Variants in PRRX2 observed in about 807,000 individuals in gnomAD.
The protein encoded by PRRX2 is paired mesoderm homeobox protein 2.
A neutral mutation model predicts 18.0 loss-of-function variants in PRRX2; 11 were observed. That is an observed-to-expected ratio of 0.61 (90% CI 0.39 to 1.01). The LOEUF (loss-of-function observed/expected upper bound fraction) is 1.01, where lower values mean the gene tolerates loss of function less well. PRRX2 is among the 50% of genes least tolerant of loss of function. PRRX2 has a pLI of 0.01. For missense variants in PRRX2, 387 were observed against 351.0 expected (o/e 1.10, Z -0.82); for synonymous variants, 177 against 154.8 (o/e 1.14, Z -1.06).
intron 1 of PRRX2, among the ~76,000 whole-genome samples, chr9:129,674,346 G>C (rs1337247868): frequency 6.6e-6 from 1 of 152,102 alleles, no homozygotes; most frequent in Non-Finnish European, 1.5e-5. Context: ...ATATTATTCT[G>C]GTTTATCTCT....
At chr9:129,669,756 C>T (rs945661756) in intron 1 of PRRX2, among the ~76,000 whole-genome samples, 1 of 152,064 alleles carries the variant, frequency 6.6e-6, no homozygotes, top group Non-Finnish European at 1.5e-5. Context: ...GTGGGGGTCC[C>T]CAGGGCTCAG....
chr9:129,684,684 C>G (rs1332433980), intron 1 of PRRX2, among the ~76,000 whole-genome samples: 1 of 152,256 alleles, frequency 6.6e-6, no homozygotes, highest in South Asian at 2.1e-4. Context: ...TCAGTGGCAC[C>G]TCTGGGACGG....
At chr9:129,697,101 C>A (rs1470522553) in intron 1 of PRRX2, among the ~76,000 whole-genome samples, 2 of 152,210 alleles carry the variant, frequency 1.3e-5, no homozygotes, top group African/African-American at 4.8e-5. Context: ...CCGGCCTGGC[C>A]CTTAGCCTTG....
chr9:129,683,264 A>G (rs1832256576), intron 1 of PRRX2, among the ~76,000 whole-genome samples: 1 of 152,200 alleles, frequency 6.6e-6, no homozygotes, highest in African/African-American at 2.4e-5. Context: ...CAGACTAAGC[A>G]CATGACACAC....
chr9:129,698,819 C>T (rs183623860), intron 1 of PRRX2, among the ~76,000 whole-genome samples: 6 of 152,310 alleles, frequency 3.9e-5, no homozygotes, highest in Non-Finnish European at 5.9e-5. Flanking sequence ...GGTAGGATTC[C>T]CACCCTGCCT....
chr9:129,679,828 C>T (rs1186189990), intron 1 of PRRX2, among the ~76,000 whole-genome samples: 1 of 152,186 alleles, frequency 6.6e-6, no homozygotes, highest in African/African-American at 2.4e-5. Context: ...GTAGAGCCAG[C>T]TCCAGAGAGC....
At chr9:129,699,439 A>ATGTG (rs3138854) in intron 1 of PRRX2, among the ~76,000 whole-genome samples, 6,507 of 145,540 alleles carry the variant, frequency 0.045, 181 homozygotes, top group Non-Finnish European at 0.053. Context: ...AAATATATAT[A>ATGTG]TGTGTGTGTG....
In PRRX2 at chr9:129,719,211, C is replaced by T. The variant is rs748147016; in HGVS notation, c.260-20C>T. 21 of 1,535,790 alleles carry T rather than the reference C, an allele frequency of 1.4e-5. No individual in the cohort carries two copies. The African/African-American group carries it at 1.9e-4, about 14-fold the overall frequency. ...CCACTGGCCGTCCTGCTGACCATCCCGCCCCCCCAACCTCCGCAGGTGAGT... is the reference window on the plus strand; with the variant it reads ...CCACTGGCCGTCCTGCTGACCATCCTGCCCCCCCAACCTCCGCAGGTGAGT... On this transcript the variant is annotated intron_variant, in intron 1 of 3. Coordinates refer to ENST00000372469, the MANE Select transcript of PRRX2 (RefSeq NM_016307.4).
In PRRX2 at chr9:129,675,580, C is replaced by T. The variant is rs1180455206; in HGVS notation, c.259+9454C>T. ...GGGATCCACTGCCCCCAGGGGGCGGCTGCCTTGCCCCAGACTTTGTCCTCC... is the reference window on the plus strand; with the variant it reads ...GGGATCCACTGCCCCCAGGGGGCGGTTGCCTTGCCCCAGACTTTGTCCTCC... On this transcript the variant is annotated intron_variant, in intron 1 of 3. Transcript: ENST00000372469. The surrounding 1 kb of genome is among the most constrained non-coding windows in gnomAD (Gnocchi z 4.4). Among the ~76,000 whole-genome samples, 2 of 152,106 alleles carry T rather than the reference C, an allele frequency of 1.3e-5. No individual in the cohort carries two copies. Among genetic ancestry groups the T allele is most frequent in the Non-Finnish European group, 2.9e-5 (2 of 67,974 alleles).
chr9:129,678,454 A>G (rs1391112451), intron 1 of PRRX2, among the ~76,000 whole-genome samples: 4 of 152,154 alleles, frequency 2.6e-5, no homozygotes, highest in Non-Finnish European at 5.9e-5. Context: ...GACATGCTGG[A>G]TGCTATGACA....
At chr9:129,714,262 G>T (rs1305008059) in intron 1 of PRRX2, among the ~76,000 whole-genome samples, 1 of 151,588 alleles carries the variant, frequency 6.6e-6, no homozygotes, top group Non-Finnish European at 1.5e-5. Flanking sequence ...CCGAGATCGT[G>T]CCACTGTACT....
chr9:129,704,413 C>G (rs530915845), intron 1 of PRRX2, among the ~76,000 whole-genome samples: 1 of 152,082 alleles, frequency 6.6e-6, no homozygotes, highest in Non-Finnish European at 1.5e-5. Context: ...TGAGGACACA[C>G]GGGGGCAATT....
chr9:129,715,776 A>T lies in PRRX2; in HGVS notation c.260-3455A>T, dbSNP rs1269208549. Among the ~76,000 whole-genome samples the T allele has an allele frequency of 2.6e-5, 4 of 150,956 alleles. No homozygotes were observed. In the South Asian group the frequency reaches 6.3e-4, roughly 24 times the overall value. Reference sequence around the variant, plus strand: ...CACACACACACACACACACACACACACACACACACACACACACTCATTTAC... The same window carrying T: ...CACACACACACACACACACACACACTCACACACACACACACACTCATTTAC... On this transcript the variant is annotated intron_variant, in intron 1 of 3. Coordinates refer to ENST00000372469, the MANE Select transcript of PRRX2 (RefSeq NM_016307.4). This position sits in a 1 kb window ranked among gnomAD's most constrained non-coding sequence, Gnocchi z 4.0.
intron 1 of PRRX2, among the ~76,000 whole-genome samples, chr9:129,717,460 G>C (rs111627994): frequency 6.6e-6 from 1 of 152,066 alleles, no homozygotes; most frequent in South Asian, 2.1e-4. Context: ...ACTTTGGGAG[G>C]CGAGGCGGGC....
At chr9:129,711,455 G>A (rs946434106) in intron 1 of PRRX2, among the ~76,000 whole-genome samples, 40 of 143,998 alleles carry the variant, frequency 2.8e-4, no homozygotes, top group African/African-American at 9.9e-4. Flanking sequence ...GCCCAGGCTG[G>A]AGTGCAGTGA....
intron 1 of PRRX2, among the ~76,000 whole-genome samples, chr9:129,676,932 T>G (rs1008775492): frequency 3.3e-5 from 5 of 152,342 alleles, no homozygotes; most frequent in African/African-American, 1.2e-4. Flanking sequence ...TTTGTTTCAT[T>G]TCCCCTCATG....
intron 1 of PRRX2, among the ~76,000 whole-genome samples, chr9:129,699,216 A>T (rs1832465675): frequency 6.6e-6 from 1 of 152,242 alleles, no homozygotes; most frequent in Non-Finnish European, 1.5e-5. Flanking sequence ...TGAGGTCAGG[A>T]GTTCGAGACC....
At chr9:129,706,689 C>A (rs1832561736) in intron 1 of PRRX2, among the ~76,000 whole-genome samples, 1 of 152,192 alleles carries the variant, frequency 6.6e-6, no homozygotes. Flanking sequence ...GATCGCAAAA[C>A]TGCACTCTAG....
At chr9:129,679,601 C>A (rs946103861) in intron 1 of PRRX2, among the ~76,000 whole-genome samples, 8 of 152,200 alleles carry the variant, frequency 5.3e-5, no homozygotes. Flanking sequence ...CTATTCCCTA[C>A]CCCTGCCGAC....
Sources: allele counts gnomAD v4.1 joint callset (sites outside exome capture counted in the v4.1 genomes callset), GRCh38; gene constraint gnomAD v4.1.1; non-coding constraint Gnocchi (gnomAD v3.1); transcripts MANE v1.5; gene names NCBI Gene and HGNC (gene_info 2026-07-23, HGNC 2026-07-21).